EIF4G3: variants seen among roughly 807,000 people sequenced by gnomAD.
The protein encoded by EIF4G3 is eukaryotic translation initiation factor 4 gamma 3.
A neutral mutation model predicts 186.4 loss-of-function variants in EIF4G3; 34 were observed. That is an observed-to-expected ratio of 0.18 (90% CI 0.14 to 0.24). EIF4G3 has a LOEUF of 0.24. EIF4G3 is among the 10% of genes least tolerant of loss of function. The pLI is 1.00. For missense variants in EIF4G3, 1,536 were observed against 1,948.5 expected (o/e 0.79, Z 3.99); for synonymous variants, 673 against 679.5 (o/e 0.99, Z 0.15).
Position 20,942,189 on chromosome 1 carries a change from G to A in EIF4G3, c.965C>T (p.Pro322Leu). Residue 322 changes from proline (P) to leucine (L), a missense_variant, in exon 14 of 37, where the codon CCA becomes CTA. Around this residue, in one of 11 missense-constraint regions of EIF4G3, gnomAD observed 560 missense variants for 547.8 expected, o/e 1.02. Transcript: ENST00000602326. ...IVSIAELPLPPSPTTVSSVAR... is the reference protein window; with the variant it reads ...IVSIAELPLPLSPTTVSSVAR... ...AACAGAAGAAACAGTGGTAGGTGAT[G>A]GAGGCAGAGGAAGCTCTGCTATGGA... 5.0e-6 allele frequency: 8 copies of A among 1,614,180 alleles called. No individual in the cohort carries two copies. Among genetic ancestry groups the A allele is most frequent in the Non-Finnish European group, 6.8e-6 (8 of 1,180,014 alleles).
At chr1:20,896,991 A>G (rs1281931551) in intron 16 of EIF4G3, among the ~76,000 whole-genome samples, 2 of 152,208 alleles carry the variant, frequency 1.3e-5, no homozygotes, top group Non-Finnish European at 2.9e-5. Context: ...CACAAGGAAG[A>G]AATTGCCTAA....
At chr1:21,138,267 TAA>T (rs1391913859) in intron 2 of EIF4G3, among the ~76,000 whole-genome samples, 2 of 152,188 alleles carry the variant, frequency 1.3e-5, no homozygotes, top group Non-Finnish European at 2.9e-5. Context: ...TCCCCGAAGC[TAA>T]AAGTCAGAGC....
chr1:21,159,704 T>C lies in EIF4G3; in HGVS notation c.-272+16471A>G, dbSNP rs547280687. 1.1e-3 allele frequency among the ~76,000 whole-genome samples: 166 copies of C among 152,118 alleles called. 1 individual carries two copies. Among genetic ancestry groups the C allele is most frequent in the Non-Finnish European group, 2.1e-3 (141 of 67,990 alleles). ...GCAGTGAGCCAGGTATGGTGGCTCA[T>C]GCCTGTAATCCTAGCACTCTGGGAG... is the stretch of plus-strand genomic sequence containing the variant. On this transcript the variant is annotated intron_variant, in intron 2 of 36. Transcript: ENST00000602326.
chr1:20,975,905 A>G (rs1239232851), intron 10 of EIF4G3, among the ~76,000 whole-genome samples: 1 of 151,790 alleles, frequency 6.6e-6, no homozygotes, highest in Admixed American at 6.6e-5. Flanking sequence ...TCAACTGTCT[A>G]TGGCTGATTT....
chr1:20,945,693 G>T (rs2095911051), intron 13 of EIF4G3, among the ~76,000 whole-genome samples: 1 of 152,054 alleles, frequency 6.6e-6, no homozygotes, highest in Admixed American at 6.6e-5. Flanking sequence ...TTGAATTCTT[G>T]AGCTCAAGCA....
chr1:20,943,298 C>T (rs1336327346), intron 13 of EIF4G3, among the ~76,000 whole-genome samples: 2 of 152,040 alleles, frequency 1.3e-5, no homozygotes, highest in Non-Finnish European at 2.9e-5. Flanking sequence ...ACTAGTGTTT[C>T]ATAGTATGAA....
chr1:21,119,039 C>G lies in EIF4G3; in HGVS notation c.-271-29826G>C, dbSNP rs529746615. On this transcript the variant is annotated intron_variant, in intron 2 of 36. Coordinates refer to ENST00000602326, the MANE Select transcript of EIF4G3 (RefSeq NM_001391906.1). ...TTACTGGAAATTTTCTTTTAAAAAT[C>G]CAACTCCATGACTGAGATTTTAAGT... Among the ~76,000 whole-genome samples the G allele has an allele frequency of 4.9e-4, 74 of 150,918 alleles. 1 individual carries two copies. In the South Asian group the frequency reaches 7.9e-3, roughly 16 times the overall value.
intron 8 of EIF4G3, among the ~76,000 whole-genome samples, chr1:20,981,612 GTA>G (rs2078122934): frequency 8.8e-6 from 1 of 113,562 alleles, no homozygotes; most frequent in Admixed American, 9.0e-5. Flanking sequence ...CGCACATACT[GTA>G]TGTATACATA....
In EIF4G3 at chr1:20,879,473, C is replaced by T. The variant is rs1234725556; in HGVS notation, c.2472G>A (p.Gln824=). ...VRSILNKLTP[Q]MFNQLMKQVS... ...CTTGCTTCATCAGTTGATTGAACAT[C>T]TGTGGTGTCAATTTATTTAAGATAC... The change falls in exon 20 of 37, where the codon CAG becomes CAA. Residue 824 remains glutamine (Q), a synonymous_variant. Transcript: ENST00000602326. 2.6e-6 allele frequency: 4 copies of T among 1,529,444 alleles called. No individual in the cohort carries two copies. The highest frequency in any genetic ancestry group is 8.8e-7 in the Non-Finnish European group (1 of 1,138,026). 94.7% of individuals were successfully genotyped at this position (1,529,444 alleles called of 1,614,324 possible).
intron 12 of EIF4G3, among the ~76,000 whole-genome samples, chr1:20,956,894 G>A (rs1431282047): frequency 6.6e-6 from 1 of 152,096 alleles, no homozygotes; most frequent in Non-Finnish European, 1.5e-5. Flanking sequence ...ATGAGCCACC[G>A]CGCCTAGCCC....
chr1:21,033,305 T>C (rs958949307), intron 4 of EIF4G3, among the ~76,000 whole-genome samples: 6 of 152,172 alleles, frequency 3.9e-5, no homozygotes, highest in African/African-American at 1.4e-4. Flanking sequence ...TATTTCATGA[T>C]ATAAATACCT....
intron 2 of EIF4G3, among the ~76,000 whole-genome samples, chr1:21,143,941 T>C (rs1042801923): frequency 2.0e-5 from 3 of 152,078 alleles, no homozygotes; most frequent in Non-Finnish European, 4.4e-5. Flanking sequence ...AAAAAACTTA[T>C]TTATAAAAGA....
intron 14 of EIF4G3, among the ~76,000 whole-genome samples, chr1:20,921,509 A>C (rs2094494019): frequency 6.6e-6 from 1 of 152,190 alleles, no homozygotes. Flanking sequence ...CCATGATTTT[A>C]AGGTCATGGA....
intron 4 of EIF4G3, among the ~76,000 whole-genome samples, chr1:21,019,969 T>C (rs539965537): frequency 1.3e-5 from 2 of 152,282 alleles, no homozygotes; most frequent in East Asian, 3.9e-4. Flanking sequence ...AAATAATTCC[T>C]CTACTACAGG....
chr1:21,153,740 T>C (rs940660744), intron 2 of EIF4G3, among the ~76,000 whole-genome samples: 1 of 152,126 alleles, frequency 6.6e-6, no homozygotes, highest in South Asian at 2.1e-4. Flanking sequence ...AATTTTTCTA[T>C]TTTTAGTAGA....
chr1:20,943,888 C>A (rs2095813273), intron 13 of EIF4G3, among the ~76,000 whole-genome samples: 1 of 151,414 alleles, frequency 6.6e-6, no homozygotes, highest in Admixed American at 6.6e-5. Flanking sequence ...GAAATAGAAT[C>A]AATAGGCTCT....
intron 3 of EIF4G3, among the ~76,000 whole-genome samples, chr1:21,080,340 A>G (rs868755121): frequency 6.6e-6 from 1 of 151,846 alleles, no homozygotes; most frequent in African/African-American, 2.4e-5. Context: ...AGAGAGAGAA[A>G]GAAGAAAATA....
At chr1:20,838,680 GAAA>G (rs764655489) in intron 30 of EIF4G3, among the ~76,000 whole-genome samples, 1 of 151,924 alleles carries the variant, frequency 6.6e-6, no homozygotes, top group Non-Finnish European at 1.5e-5. Flanking sequence ...ATTGCTGAAA[GAAA>G]ACTTTTTTTT....
Position 20,941,564 on chromosome 1 carries a change from C to G in EIF4G3, c.1590G>C (p.Glu530Asp). 2 of 1,614,080 alleles carry G rather than the reference C, an allele frequency of 1.2e-6. No homozygotes were observed. The highest frequency in any genetic ancestry group is 1.1e-5 in the South Asian group (1 of 91,066). Residue 530 changes from glutamate to aspartate, a missense_variant, in exon 14 of 37, where the codon GAG becomes GAC. Physicochemically the swap from Glu to Asp is conservative, Grantham distance 45 (BLOSUM62 2). Coordinates refer to ENST00000602326, the MANE Select transcript of EIF4G3 (RefSeq NM_001391906.1). ...EDAKEIQNKI[E>D]VEADGQTEEI... ...CTTCTGTTTGCCCATCTGCTTCTAC[C>G]TCTATTTTGTTCTGAATCTCTTTTG...
Sources: allele counts gnomAD v4.1 joint callset (sites outside exome capture counted in the v4.1 genomes callset), GRCh38; gene constraint gnomAD v4.1.1; regional missense constraint gnomAD v4.1.1; transcripts MANE v1.5; gene names NCBI Gene and HGNC (gene_info 2026-07-23, HGNC 2026-07-21).